The following PLCH1 variants were observed in gnomAD, a reference collection of about 807,000 sequenced individuals.
PLCH1 encodes the protein phospholipase C eta 1.
In PLCH1, 60 loss-of-function variants were observed where a neutral mutation model predicts 126.7. The observed-to-expected ratio is 0.47, with a 90% CI of 0.38 to 0.59. PLCH1 has a LOEUF of 0.59. Among genes scored for constraint, PLCH1 ranks in the 20% least tolerant of loss-of-function variants. The pLI is 0.00. For missense variants in PLCH1, 1,723 were observed against 2,040.0 expected (o/e 0.84, Z 2.99); for synonymous variants, 719 against 734.9 (o/e 0.98, Z 0.35).
At chr3:155,688,683 C>A (rs1291302877) in intron 2 of PLCH1, among the ~76,000 whole-genome samples, 2 of 152,174 alleles carry the variant, frequency 1.3e-5, no homozygotes, top group African/African-American at 4.8e-5. Flanking sequence ...GGGTGGGTCC[C>A]AGGCCTGTCA....
chr3:155,688,280 C>T (rs1745106414), intron 2 of PLCH1, among the ~76,000 whole-genome samples: 1 of 152,182 alleles, frequency 6.6e-6, no homozygotes, highest in South Asian at 2.1e-4. Flanking sequence ...TATTCCAATG[C>T]CATAAATATC....
At chr3:155,463,248 C>T (rs906182633) in intron 21 of PLCH1, among the ~76,000 whole-genome samples, 1 of 152,156 alleles carries the variant, frequency 6.6e-6, no homozygotes, top group African/African-American at 2.4e-5. Flanking sequence ...GTCATATATA[C>T]AGCAACAAAA....
chr3:155,640,306 T>C (rs1739257297), intron 2 of PLCH1, among the ~76,000 whole-genome samples: 1 of 152,240 alleles, frequency 6.6e-6, no homozygotes, highest in South Asian at 2.1e-4. Context: ...CTGGTCATCC[T>C]TGAATTCCTT....
intron 11 of PLCH1, among the ~76,000 whole-genome samples, chr3:155,521,438 T>A (rs1418670004): frequency 1.3e-5 from 2 of 152,238 alleles, no homozygotes; most frequent in Non-Finnish European, 1.5e-5. Flanking sequence ...CATGACCTCA[T>A]GAGAGTTGGT....
chr3:155,627,587 T>C (rs139949659), intron 2 of PLCH1, among the ~76,000 whole-genome samples: 153 of 151,684 alleles, frequency 1.0e-3, no homozygotes, highest in African/African-American at 3.6e-3. Context: ...TGAGCCGAGA[T>C]TGTGCCACTG....
At chr3:155,659,749 T>C (rs1336241660) in intron 2 of PLCH1, among the ~76,000 whole-genome samples, 7 of 152,106 alleles carry the variant, frequency 4.6e-5, no homozygotes, top group Non-Finnish European at 1.0e-4. Flanking sequence ...TCCAGCCACC[T>C]CGGCCTCCCA....
intron 21 of PLCH1, among the ~76,000 whole-genome samples, chr3:155,463,477 T>C (rs1576762389): frequency 1.3e-5 from 2 of 152,106 alleles, no homozygotes; most frequent in African/African-American, 2.4e-5. Context: ...AAGGCAATGG[T>C]GTGTAGGGGA....
chr3:155,610,319 C>T (rs1412154132), intron 2 of PLCH1, among the ~76,000 whole-genome samples: 1 of 136,966 alleles, frequency 7.3e-6, no homozygotes, highest in Admixed American at 7.9e-5. Flanking sequence ...CAAGATTGTG[C>T]CATTGCACTC....
At chr3:155,535,226 T>A (rs573220330) in intron 10 of PLCH1, among the ~76,000 whole-genome samples, 1 of 152,296 alleles carries the variant, frequency 6.6e-6, no homozygotes, top group East Asian at 1.9e-4. Flanking sequence ...AACTTTGAGA[T>A]GAACTTTGTA....
chr3:155,700,332 G>A lies in PLCH1; in HGVS notation c.79+3814C>T, dbSNP rs185150064. Among the ~76,000 whole-genome samples, 43 of 152,184 alleles carry A rather than the reference G, an allele frequency of 2.8e-4. No homozygotes were observed. The East Asian group carries it at 7.3e-3, about 26-fold the overall frequency. On this transcript the variant is annotated intron_variant, in intron 2 of 22. Coordinates refer to ENST00000460012, the MANE Select transcript of PLCH1 (RefSeq NM_014996.4). ...TAGTTTTATTAAAATGTAGTTCTGA[G>A]GCAAAGTAAAAGTATTAACATATAT... is the stretch of plus-strand genomic sequence containing the variant.
Position 155,482,801 on chromosome 3 carries a change from A to G in PLCH1, c.3225T>C (p.Ser1075=), listed in dbSNP as rs1173268614. ...NCQENPCPSK[S]LSPKQHLAPD... ...GAGCCAAATGCTGCTTTGGGGAGAG[A>G]GACTTGCTGGGACAGGGGTTTTCCT... Residue 1075 remains serine (S), a synonymous_variant, in exon 23 of 23, where the codon TCT becomes TCC. Coordinates refer to ENST00000460012, the MANE Select transcript of PLCH1 (RefSeq NM_014996.4). 1.2e-6 allele frequency: 2 copies of G among 1,613,990 alleles called. No individual in the cohort carries two copies. The highest frequency in any genetic ancestry group is 1.7e-6 in the Non-Finnish European group (2 of 1,180,002).
At chr3:155,455,619 T>C (rs1194887138) in intron 21 of PLCH1, among the ~76,000 whole-genome samples, 1 of 152,082 alleles carries the variant, frequency 6.6e-6, no homozygotes, top group Non-Finnish European at 1.5e-5. Context: ...AATTTGCAAA[T>C]GAATTTAGGG....
rs1416640166 is a variant in PLCH1 at position 155,481,953 on chromosome 3, G to A, written c.4073C>T (p.Ser1358Leu). The stretch of plus-strand genomic sequence containing the variant: ...ACAGGTTGTTAGAGAAAGATTTTCT[G>A]ATTCTCCATCAATTTCCACAAGGCT... ...ESSLVEIDGE[S>L]ENLSLTTCEY... Residue 1358 changes from serine (S) to leucine (L), a missense_variant, in exon 23 of 23, where the codon TCA becomes TTA. Ser to Leu is a moderately radical substitution (Grantham distance 145). Around this residue, in one of 2 missense-constraint regions of PLCH1, gnomAD observed 947 missense variants for 977.1 expected, o/e 0.97. Coordinates refer to ENST00000460012, the MANE Select transcript of PLCH1 (RefSeq NM_014996.4). This position sits in a 1 kb window ranked among gnomAD's most constrained non-coding sequence, Gnocchi z 4.2. The A allele has an allele frequency of 6.2e-7, 1 of 1,614,156 alleles. No homozygotes were observed. The highest frequency in any genetic ancestry group is 1.7e-5 in the Admixed American group (1 of 60,022).
chr3:155,546,143 T>C (rs935026191), intron 10 of PLCH1, among the ~76,000 whole-genome samples: 287 of 152,218 alleles, frequency 1.9e-3, no homozygotes, highest in Non-Finnish European at 2.6e-3. Flanking sequence ...AAAACCCCAT[T>C]GTCTCAGCCC....
intron 3 of PLCH1, among the ~76,000 whole-genome samples, chr3:155,595,267 G>A (rs1443709009): frequency 2.6e-5 from 4 of 152,226 alleles, no homozygotes; most frequent in African/African-American, 9.6e-5. Flanking sequence ...GAAGCACAGG[G>A]CAAGAAGGAT....
chr3:155,663,574 C>A (rs946320587), intron 2 of PLCH1, among the ~76,000 whole-genome samples: 3 of 152,200 alleles, frequency 2.0e-5, no homozygotes, highest in African/African-American at 7.2e-5. Flanking sequence ...AAAACCTTCC[C>A]TGTCTCTCAA....
intron 8 of PLCH1, among the ~76,000 whole-genome samples, chr3:155,561,918 A>G (rs1187823330): frequency 6.6e-6 from 1 of 152,090 alleles, no homozygotes; most frequent in Non-Finnish European, 1.5e-5. Flanking sequence ...AGCAGCTGGG[A>G]CTACAGGTGC....
chr3:155,707,660 T>C (rs1436725360), intron 1 of PLCH1, among the ~76,000 whole-genome samples: 6 of 128,364 alleles, frequency 4.7e-5, no homozygotes, highest in Non-Finnish European at 6.6e-5. Context: ...CAAAACTCCA[T>C]CTCAAAAAAA....
intron 3 of PLCH1, 60 bp from the exon 4 acceptor site, chr3:155,594,244 A>G (rs1247181607): frequency 1.3e-6 from 2 of 1,487,634 alleles, no homozygotes; most frequent in East Asian, 4.6e-5. Flanking sequence ...CTTTACATGC[A>G]CTAAGAAACA....
Sources: gnomAD v4.1 joint callset for allele counts (sites outside exome capture counted in the v4.1 genomes callset) on GRCh38, gnomAD v4.1.1 for gene constraint, gnomAD v4.1.1 regional missense constraint, Gnocchi (gnomAD v3.1) non-coding constraint, MANE v1.5 for transcripts, NCBI Gene and HGNC (gene_info 2026-07-23, HGNC 2026-07-21) for gene names.